The following LSAMP variants were observed in gnomAD, a reference collection of about 807,000 sequenced individuals.
The protein encoded by LSAMP is limbic system associated membrane protein.
In LSAMP, 7 loss-of-function variants were observed where a neutral mutation model predicts 38.6. The observed-to-expected ratio is 0.18, with a 90% confidence interval of 0.10 to 0.34. The LOEUF is 0.34. Among genes scored for constraint, LSAMP ranks in the 10% least tolerant of loss-of-function variants. The pLI, the probability that LSAMP is intolerant of heterozygous loss-of-function variation, is 1.00. For missense variants in LSAMP, 313 were observed against 420.0 expected (o/e 0.75, Z 2.23); for synonymous variants, 154 against 166.8 (o/e 0.92, Z 0.59).
chr3:116,271,144 A>G (rs780476001), intron 1 of LSAMP, among the ~76,000 whole-genome samples: 41 of 152,152 alleles, frequency 2.7e-4, no homozygotes, highest in Non-Finnish European at 4.4e-4. Flanking sequence ...AAGACTTAAG[A>G]CAATAAAAAA....
intron 1 of LSAMP, among the ~76,000 whole-genome samples, chr3:116,440,167 C>T (rs2049414382): frequency 6.6e-6 from 1 of 152,174 alleles, no homozygotes; most frequent in Non-Finnish European, 1.5e-5. Context: ...GAGAGAAAAA[C>T]AGGGCCAGTG....
intron 1 of LSAMP, among the ~76,000 whole-genome samples, chr3:116,236,951 C>CAT (rs10632740): frequency 0.71 from 105,589 of 148,658 alleles, 38,480 homozygotes; most frequent in South Asian, 0.83. Context: ...CAACATAAGC[C>CAT]ATATATATAT....
intron 3 of LSAMP, among the ~76,000 whole-genome samples, chr3:115,964,681 T>C (rs1938740210): frequency 6.6e-6 from 1 of 152,106 alleles, no homozygotes; most frequent in Non-Finnish European, 1.5e-5. Context: ...TTAGACAGTT[T>C]AGAAAATTGG....
At chr3:115,970,211 A>G (rs1048620777) in intron 3 of LSAMP, among the ~76,000 whole-genome samples, 1 of 152,210 alleles carries the variant, frequency 6.6e-6, no homozygotes, top group Non-Finnish European at 1.5e-5. Flanking sequence ...TCTTTTCCCC[A>G]GAAGCCTCTT....
At chr3:115,917,749 A>G (rs1385428790) in intron 3 of LSAMP, among the ~76,000 whole-genome samples, 1 of 152,114 alleles carries the variant, frequency 6.6e-6, no homozygotes, top group Non-Finnish European at 1.5e-5. Context: ...TTAGATACTC[A>G]AAATGGAATG....
At chr3:116,002,410 G>A (rs535380455) in intron 3 of LSAMP, among the ~76,000 whole-genome samples, 25 of 152,330 alleles carry the variant, frequency 1.6e-4, no homozygotes, top group Middle Eastern at 3.4e-3. Context: ...GAAATGCAAA[G>A]GCAGAAAGCC....
rs72955593 is a variant in LSAMP, at chr3:115,943,679, A to C, written c.514+75836T>G. ...GCATTTGCCCAAGAGATGCTACTTCACCTTCTGAAATCTAATCCGAAACAG... is the reference window on the plus strand; with the variant it reads ...GCATTTGCCCAAGAGATGCTACTTCCCCTTCTGAAATCTAATCCGAAACAG... On this transcript the variant is annotated intron_variant, in intron 3 of 6. Coordinates refer to ENST00000490035, the MANE Select transcript of LSAMP (RefSeq NM_002338.5). Among the ~76,000 whole-genome samples, 1,065 of 152,288 alleles carry C rather than the reference A, an allele frequency of 7.0e-3. 7 individuals are homozygous for C. Among genetic ancestry groups the C allele is most frequent in the African/African-American group, 0.023 (946 of 41,560 alleles).
In LSAMP at chr3:116,054,027, T is replaced by C. The variant is rs78703729; in HGVS notation, c.388+32297A>G. ...ATCTTACAGTTTTAGAGATCAGATG[T>C]CCAAAATGGGCCTCACTGGGCTAAA... On this transcript the variant is annotated intron_variant, in intron 2 of 6. Coordinates refer to ENST00000490035, the MANE Select transcript of LSAMP (RefSeq NM_002338.5). Among the ~76,000 whole-genome samples the C allele has an allele frequency of 2.4e-3, 365 of 152,288 alleles. 1 individual carries two copies. The highest frequency in any genetic ancestry group is 8.4e-3 in the African/African-American group (351 of 41,568).
chr3:116,036,177 C>G (rs1463619862), intron 2 of LSAMP, among the ~76,000 whole-genome samples: 1 of 152,120 alleles, frequency 6.6e-6, no homozygotes, highest in Non-Finnish European at 1.5e-5. Flanking sequence ...AATTACACAA[C>G]TTTTATTTAG....
At position 116,197,163 on chromosome 3, in the gene LSAMP, A is replaced by ACACACACACT. The variant is rs1268040540; in HGVS notation, c.156-110608_156-110607insAGTGTGTGTG. On this transcript the variant is annotated intron_variant, in intron 1 of 6. Transcript: ENST00000490035. The stretch of plus-strand genomic sequence containing the variant: ...CACACACACACACACACACACACAC[A>ACACACACACT]CTCTCTCTCTCTCTCACTCACTTTG... 4.6e-3 allele frequency among the ~76,000 whole-genome samples: 644 copies of ACACACACACT among 139,128 alleles called. 6 individuals are homozygous for ACACACACACT. In the East Asian group the frequency reaches 0.05, roughly 11 times the overall value. The allele number at this position is 139,128 out of a possible 152,430, so 91.3% of individuals were successfully genotyped here. A position where few individuals can be genotyped will look rare whatever the true frequency, so the allele number is the denominator to read the frequency against.
intron 3 of LSAMP, among the ~76,000 whole-genome samples, chr3:115,901,658 C>G (rs1304351444): frequency 6.6e-6 from 1 of 152,094 alleles, no homozygotes; most frequent in Non-Finnish European, 1.5e-5. Flanking sequence ...TTTTAATTGC[C>G]ATAATATTTA....
At chr3:115,919,138 C>A (rs188681670) in intron 3 of LSAMP, among the ~76,000 whole-genome samples, 1 of 152,306 alleles carries the variant, frequency 6.6e-6, no homozygotes, top group African/African-American at 2.4e-5. Context: ...CCACTCCTCA[C>A]CCCCACTGTC....
intron 1 of LSAMP, among the ~76,000 whole-genome samples, chr3:116,320,462 C>A (rs1576125100): frequency 6.6e-6 from 1 of 151,960 alleles, no homozygotes; most frequent in East Asian, 1.9e-4. Context: ...TTAAACTTCC[C>A]TCCATTTCTC....
chr3:116,192,621 T>C (rs1710779635), intron 1 of LSAMP, among the ~76,000 whole-genome samples: 1 of 152,162 alleles, frequency 6.6e-6, no homozygotes, highest in South Asian at 2.1e-4. Context: ...TATTAATAAG[T>C]GACACCTGGA....
intron 1 of LSAMP, among the ~76,000 whole-genome samples, chr3:116,332,309 C>T (rs1387591310): frequency 1.3e-5 from 2 of 151,916 alleles, no homozygotes; most frequent in Admixed American, 1.3e-4. Flanking sequence ...TTTTGGGGCA[C>T]AAAATGTGTA....
intron 1 of LSAMP, among the ~76,000 whole-genome samples, chr3:116,195,969 T>C (rs967642499): frequency 6.6e-6 from 1 of 152,170 alleles, no homozygotes; most frequent in African/African-American, 2.4e-5. Flanking sequence ...AAAATGAAAA[T>C]AGAATACTAT....
chr3:116,257,354 A>T (rs1559801961), intron 1 of LSAMP, among the ~76,000 whole-genome samples: 1 of 152,114 alleles, frequency 6.6e-6, no homozygotes, highest in South Asian at 2.1e-4. Context: ...TTTTTCTATT[A>T]AGTAGGGTTA....
At chr3:116,274,538 T>C (rs2047021470) in intron 1 of LSAMP, among the ~76,000 whole-genome samples, 1 of 152,190 alleles carries the variant, frequency 6.6e-6, no homozygotes, top group Admixed American at 6.5e-5. Context: ...ATAATTTCAG[T>C]AAATCATTTA....
At chr3:115,863,392 T>C (rs531772332) in intron 3 of LSAMP, among the ~76,000 whole-genome samples, 1 of 152,162 alleles carries the variant, frequency 6.6e-6, no homozygotes, top group Non-Finnish European at 1.5e-5. Flanking sequence ...TTGATCTGTG[T>C]ACTGGATGAT....
Sources: allele counts gnomAD v4.1 joint callset (sites outside exome capture counted in the v4.1 genomes callset), GRCh38; gene constraint gnomAD v4.1.1; transcripts MANE v1.5; gene names NCBI Gene and HGNC (gene_info 2026-07-23, HGNC 2026-07-21).